The following GARIN5A variants were observed in gnomAD, a reference collection of about 807,000 sequenced individuals.
The protein encoded by GARIN5A is golgi associated RAB2 interactor 5A.
At chr19:50,471,860 A>C in the GARIN5A span, among the ~76,000 whole-genome samples, 3 of 150,262 alleles carry the variant, frequency 2.0e-5, no homozygotes, top group African/African-American at 5.0e-5. Flanking sequence ...GCATACATAC[A>C]TGTGTATATG....
chr19:50,470,179 G>A, the GARIN5A span, among the ~76,000 whole-genome samples: 2 of 152,158 alleles, frequency 1.3e-5, no homozygotes, highest in Non-Finnish European at 2.9e-5. Context: ...GACACAGCTT[G>A]GTGTCTAAGA....
chr19:50,470,623 AG>A, the GARIN5A span, among the ~76,000 whole-genome samples: 1 of 149,210 alleles, frequency 6.7e-6, no homozygotes, highest in African/African-American at 2.5e-5. Flanking sequence ...GGGTGGGCGC[AG>A]GGAGAAGTGG....
the GARIN5A span, chr19:50,475,201 G>C: frequency 1.5e-6 from 2 of 1,373,848 alleles, no homozygotes; most frequent in Non-Finnish European, 1.9e-6. Context: ...GCAGCTCAGG[G>C]AGGGCCGGTA....
At chr19:50,471,699 T>C in the GARIN5A span, among the ~76,000 whole-genome samples, 1 of 147,094 alleles carries the variant, frequency 6.8e-6, no homozygotes, top group African/African-American at 2.7e-5. Context: ...TGTATACGCA[T>C]ACATGCACGT....
At chr19:50,476,030 C>G in the GARIN5A span, 2 of 1,604,334 alleles carry the variant, frequency 1.2e-6, no homozygotes, top group African/African-American at 2.7e-5. Flanking sequence ...CACAGCCCCG[C>G]GGAGAGGACG....
At chr19:50,475,485 G>A in the GARIN5A span, 2 of 1,580,680 alleles carry the variant, frequency 1.3e-6, no homozygotes, top group Non-Finnish European at 1.7e-6. Flanking sequence ...GTCGGGGCAG[G>A]ATAGATGTCG....
the GARIN5A span, among the ~76,000 whole-genome samples, chr19:50,471,740 ATACGCATACATGCATGTG>A: frequency 6.7e-6 from 1 of 149,560 alleles, no homozygotes; most frequent in East Asian, 2.1e-4. Context: ...ACGTGTGTGT[ATACGCATACATGCATGTG>A]TATACGCATA....
the GARIN5A span, among the ~76,000 whole-genome samples, chr19:50,471,628 G>T: frequency 7.1e-6 from 1 of 140,020 alleles, no homozygotes; most frequent in South Asian, 2.3e-4. Context: ...ATATATGTGT[G>T]TATACATGTG....
At chr19:50,467,811 G>T in the GARIN5A span, 1 of 1,613,174 alleles carries the variant, frequency 6.2e-7, no homozygotes, top group Non-Finnish European at 8.5e-7. Context: ...AGAGCTGGAC[G>T]AACTTCAAGG....
chr19:50,476,673 G>A, the GARIN5A span: 1 of 1,453,234 alleles, frequency 6.9e-7, no homozygotes, highest in South Asian at 1.3e-5. Context: ...GTGCTCTTTA[G>A]CTGTGCATAG....
chr19:50,469,448 C>G, the GARIN5A span, among the ~76,000 whole-genome samples: 2 of 152,230 alleles, frequency 1.3e-5, no homozygotes, highest in Admixed American at 6.5e-5. Context: ...TTCCCTCTGC[C>G]TGCCTGGTAG....
chr19:50,468,363 CAAAAAAAAAAA>C, the GARIN5A span, among the ~76,000 whole-genome samples: 1 of 77,068 alleles, frequency 1.3e-5, no homozygotes, highest in African/African-American at 5.4e-5. Context: ...GACTGTGTCT[CAAAAAAAAAAA>C]AAAAAAAAAA....
the GARIN5A span, chr19:50,476,254 G>A: frequency 5.0e-6 from 8 of 1,612,706 alleles, no homozygotes; most frequent in East Asian, 6.7e-5. Flanking sequence ...GAAAGCGAGG[G>A]GGCGGGACTA....
At chr19:50,470,098 T>G in the GARIN5A span, among the ~76,000 whole-genome samples, 3 of 152,240 alleles carry the variant, frequency 2.0e-5, no homozygotes, top group Non-Finnish European at 2.9e-5. Flanking sequence ...ACGCCAGGAT[T>G]TGAAACCAAG....
the GARIN5A span, among the ~76,000 whole-genome samples, chr19:50,474,983 G>C: frequency 0.02 from 3,013 of 152,248 alleles, 80 homozygotes; most frequent in East Asian, 0.12. Context: ...GGCGGATGGG[G>C]CTAAGGGACC....
chr19:50,472,458 G>A, the GARIN5A span, among the ~76,000 whole-genome samples: 1 of 152,080 alleles, frequency 6.6e-6, no homozygotes, highest in Non-Finnish European at 1.5e-5. Flanking sequence ...TCAGTGGTAT[G>A]TTCATTTGGG....
the GARIN5A span, among the ~76,000 whole-genome samples, chr19:50,468,159 G>A: frequency 1.3e-4 from 20 of 152,056 alleles, no homozygotes; most frequent in African/African-American, 4.1e-4. Flanking sequence ...TCAGGAGTTC[G>A]AGACCAGCCT....
chr19:50,476,311 C>T, the GARIN5A span: 25 of 1,593,926 alleles, frequency 1.6e-5, no homozygotes, highest in Admixed American at 1.7e-5. Flanking sequence ...TGACGTCACA[C>T]AAGAGCGGGC....
At chr19:50,469,284 C>T in the GARIN5A span, among the ~76,000 whole-genome samples, 12 of 152,172 alleles carry the variant, frequency 7.9e-5, no homozygotes, top group South Asian at 2.1e-4. Context: ...AGGCAAGACC[C>T]GCCCCCTCAT....
Sources: gnomAD v4.1 joint callset for allele counts (sites outside exome capture counted in the v4.1 genomes callset) on GRCh38, gnomAD v4.1.1 for gene constraint, MANE v1.5 for transcripts, NCBI Gene and HGNC (gene_info 2026-07-23, HGNC 2026-07-21) for gene names.